The following SMG5 variants were observed in gnomAD, a reference collection of about 807,000 sequenced individuals.
The protein encoded by SMG5 is nonsense-mediated mRNA decay factor SMG5.
In SMG5, 53 loss-of-function variants were observed where a neutral mutation model predicts 122.9. That is an observed-to-expected ratio of 0.43 (90% CI 0.35 to 0.54). The LOEUF (loss-of-function observed/expected upper bound fraction) is 0.54, where lower values mean the gene tolerates loss of function less well. Ranked by LOEUF, SMG5 falls within the 20% of genes least tolerant of loss-of-function variation. The pLI is 0.01. For missense variants in SMG5, 1,153 were observed against 1,285.6 expected, an observed-to-expected ratio of 0.90 and a Z score of 1.58; for synonymous variants, 477 against 490.2, an observed-to-expected ratio of 0.97 and a Z score of 0.35.
chr1:156,251,234 G>A lies in SMG5; in HGVS notation c.2828+169C>T, dbSNP rs1572569669. On this transcript the variant is annotated intron_variant, in intron 20 of 21. Coordinates refer to ENST00000361813, the MANE Select transcript of SMG5 (RefSeq NM_015327.3). The stretch of plus-strand genomic sequence containing the variant: ...GACCCATCTGCAGAGGAAAAGCTCA[G>A]GTGCTGCGGCAACTTCGTACTCCTC... 3.2e-6 allele frequency: 3 copies of A among 936,700 alleles called. No individual in the cohort carries two copies. The East Asian group carries it at 7.2e-5, about 23-fold the overall frequency. The allele number at this position is 936,700 out of a possible 1,614,324, so 58.0% of individuals were successfully genotyped here.
intron 7 of SMG5, among the ~76,000 whole-genome samples, chr1:156,269,178 C>T (rs563142768): frequency 4.7e-4 from 72 of 152,178 alleles, no homozygotes; most frequent in Admixed American, 4.6e-4. Context: ...CCATGTTGGC[C>T]AGACTGGTCT....
chr1:156,250,518 T>C lies in SMG5; in HGVS notation c.*69A>G. 1 of 1,368,610 alleles carries C rather than the reference T, an allele frequency of 7.3e-7. No individual in the cohort carries two copies. The highest frequency in any genetic ancestry group is 1.0e-6 in the Non-Finnish European group (1 of 957,692). 84.8% of individuals were successfully genotyped at this position (1,368,610 alleles called of 1,614,324 possible). ...CGTGTGGTGGGGTGACTACAGGTGC[T>C]GGTCCTGGCTGCCAGGGAGGGCAGG... On this transcript the variant is annotated 3_prime_UTR_variant, in exon 22 of 22. Transcript: ENST00000361813.
intron 1 of SMG5, among the ~76,000 whole-genome samples, chr1:156,280,424 C>A (rs1450661779): frequency 6.6e-6 from 1 of 152,208 alleles, no homozygotes; most frequent in Admixed American, 6.5e-5. Flanking sequence ...GAAGTGACTG[C>A]CAGCACCCAG....
rs1008620313 is a variant in SMG5, at chr1:156,272,236, G to A, written c.713+84C>T. The stretch of plus-strand genomic sequence containing the variant: ...TCCCCTATCTCAGCCACAGCTAGAG[G>A]AAGGAGGAAGGGAAGACGGAAAACA... On this transcript the variant is annotated intron_variant, in intron 7 of 21. Transcript: ENST00000361813. The A allele has an allele frequency of 2.4e-6, 3 of 1,226,462 alleles. No homozygotes were observed. The Admixed American group carries it at 6.0e-5, about 24-fold the overall frequency. The allele number at this position is 1,226,462 out of a possible 1,614,324, so 76.0% of individuals were successfully genotyped here.
intron 5 of SMG5, 55 bp from the exon 6 acceptor site, chr1:156,273,505 C>G (rs1662534193): frequency 6.5e-7 from 1 of 1,529,794 alleles, no homozygotes; most frequent in African/African-American, 1.4e-5. Flanking sequence ...TCAGAAAACC[C>G]TCCCCCACAT....
At chr1:156,254,513 T>C (rs7542798) in intron 16 of SMG5, among the ~76,000 whole-genome samples, 73,121 of 151,948 alleles carry the variant, frequency 0.48, 17,868 homozygotes, top group Admixed American at 0.59. Context: ...CCACAATTCC[T>C]GTTCACTGCT....
At chr1:156,285,724 C>T (rs778250770), upstream of SMG5, 3 of 1,613,230 alleles carry the variant, frequency 1.9e-6, no homozygotes, top group Non-Finnish European at 2.5e-6. Context: ...GGGTCACCCA[C>T]CCCGACCCCA....
Position 156,282,522 on chromosome 1 carries a change from C to T in SMG5, c.74+85G>A. 3 of 1,462,826 alleles carry T rather than the reference C, an allele frequency of 2.1e-6. No homozygotes were observed. In the South Asian group the frequency reaches 3.7e-5, roughly 18 times the overall value. The allele number at this position is 1,462,826 out of a possible 1,614,324, so 90.6% of individuals were successfully genotyped here. A position where few individuals can be genotyped will look rare whatever the true frequency, so the allele number is the denominator to read the frequency against. ...CTCACCCGCACCTCACCCCGACACC[C>T]GGGCCCCGCCCGCCCGGGAGGCCCC... On this transcript the variant is annotated intron_variant, in intron 1 of 21. Coordinates refer to ENST00000361813, the MANE Select transcript of SMG5 (RefSeq NM_015327.3).
chr1:156,276,901 T>G (rs1354169157), intron 4 of SMG5, among the ~76,000 whole-genome samples, 184 bp downstream of exon 4: 1 of 152,246 alleles, frequency 6.6e-6, no homozygotes, highest in African/African-American at 2.4e-5. Context: ...CTCTCTTTCC[T>G]TAAGATCTTT....
intron 6 of SMG5, 78 bp downstream of exon 6, chr1:156,273,283 C>G (rs1336077089): frequency 8.5e-7 from 1 of 1,171,114 alleles, no homozygotes; most frequent in Non-Finnish European, 1.3e-6. Context: ...TGAGTATGAA[C>G]TGCCTGCCAT....
Position 156,266,697 on chromosome 1 carries a change from G to A in SMG5, c.1118-19C>T, listed in dbSNP as rs768156946. On this transcript the variant is annotated intron_variant, in intron 10 of 21. Transcript: ENST00000361813. ...TTGGATCCTGAAGTCAGGAAAGCCAGGCATTAGGGGCCTAGGGCCCTGATG... is the reference window on the plus strand; with the variant it reads ...TTGGATCCTGAAGTCAGGAAAGCCAAGCATTAGGGGCCTAGGGCCCTGATG... 6.2e-7 allele frequency: 1 copy of A among 1,613,980 alleles called. No individual in the cohort carries two copies. Among genetic ancestry groups the A allele is most frequent in the African/African-American group, 1.3e-5 (1 of 75,036 alleles).
At chr1:156,276,009 TCTCA>T (rs947428924) in intron 4 of SMG5, among the ~76,000 whole-genome samples, 6 of 151,988 alleles carry the variant, frequency 3.9e-5, no homozygotes, top group African/African-American at 1.5e-4. Flanking sequence ...TGATGTAGGA[TCTCA>T]CTATGTTGCC....
At chr1:156,280,209 G>A (rs900316079) in intron 1 of SMG5, among the ~76,000 whole-genome samples, 1 of 152,202 alleles carries the variant, frequency 6.6e-6, no homozygotes, top group Admixed American at 6.5e-5. Context: ...ATATCTGGAA[G>A]GGTAAAACCC....
At chr1:156,260,818 G>A (rs1661790958) in intron 14 of SMG5, among the ~76,000 whole-genome samples, 192 bp from the exon 15 acceptor site, 1 of 152,176 alleles carries the variant, frequency 6.6e-6, no homozygotes, top group Non-Finnish European at 1.5e-5. Context: ...GCAGAGCAGA[G>A]GGGCTCAGGA....
At position 156,249,796 on chromosome 1, in the gene SMG5, C is replaced by G. The variant is rs1661239313; in HGVS notation, c.*791G>C. 8.5e-6 allele frequency: 4 copies of G among 471,106 alleles called. No individual in the cohort carries two copies. Among genetic ancestry groups the G allele is most frequent in the African/African-American group, 2.0e-5 (1 of 50,086 alleles). 29.2% of individuals were successfully genotyped at this position (471,106 alleles called of 1,614,324 possible). ...TCCCATTCTGTCCCAGCACAGCAGCCAAGAGCACAAAGCACAGCACCTGTG... is the reference window on the plus strand; with the variant it reads ...TCCCATTCTGTCCCAGCACAGCAGCGAAGAGCACAAAGCACAGCACCTGTG... On this transcript the variant is annotated 3_prime_UTR_variant, in exon 22 of 22. Coordinates refer to ENST00000361813, the MANE Select transcript of SMG5 (RefSeq NM_015327.3).
At chr1:156,273,745 C>T (rs983948285) in intron 5 of SMG5, among the ~76,000 whole-genome samples, 3 of 116,252 alleles carry the variant, frequency 2.6e-5, no homozygotes, top group African/African-American at 9.9e-5. Context: ...TTTTTAGAGA[C>T]GGGGTCTTGC....
intron 10 of SMG5, among the ~76,000 whole-genome samples, chr1:156,266,942 ATT>A (rs1662180591): frequency 6.6e-6 from 1 of 151,758 alleles, no homozygotes; most frequent in East Asian, 1.9e-4. Context: ...TACGTGTCCT[ATT>A]ATCCCTTCCA....
chr1:156,279,742 A>C (rs1009188159), intron 1 of SMG5, among the ~76,000 whole-genome samples: 2 of 152,166 alleles, frequency 1.3e-5, no homozygotes, highest in Non-Finnish European at 2.9e-5. Flanking sequence ...TCTACTATGG[A>C]ATTGTGGGGT....
At chr1:156,271,968 C>T (rs1240562830) in intron 7 of SMG5, among the ~76,000 whole-genome samples, 2 of 152,166 alleles carry the variant, frequency 1.3e-5, no homozygotes, top group Admixed American at 6.5e-5. Context: ...GGTCCTTCCA[C>T]GTATATTACC....
Sources: gnomAD v4.1 joint callset for allele counts (sites outside exome capture counted in the v4.1 genomes callset) on GRCh38, gnomAD v4.1.1 for gene constraint, MANE v1.5 for transcripts, NCBI Gene and HGNC (gene_info 2026-07-23, HGNC 2026-07-21) for gene names.